The following MRTFB variants were observed in gnomAD, a reference collection of about 807,000 sequenced individuals.
MRTFB encodes the protein myocardin-related transcription factor B.
MRTFB carries 29 observed loss-of-function variants against 104.2 expected under a neutral mutation model. That is an observed-to-expected ratio of 0.28 (90% CI 0.21 to 0.38). The LOEUF (loss-of-function observed/expected upper bound fraction) is 0.38, where lower values mean the gene tolerates loss of function less well. MRTFB is among the 10% of genes least tolerant of loss of function. The probability of loss-of-function intolerance (pLI) is 1.00; values close to 1 mark genes in which losing one functional copy is unlikely to be tolerated. For missense variants in MRTFB, 1,270 were observed against 1,341.6 expected (o/e 0.95, Z 0.83); for synonymous variants, 535 against 519.5 (o/e 1.03, Z -0.41).
chr16:14,127,676 C>T (rs8056520), intron 2 of MRTFB, among the ~76,000 whole-genome samples: 1 of 149,846 alleles, frequency 6.7e-6, no homozygotes, highest in Non-Finnish European at 1.5e-5. Flanking sequence ...ACGAAAATCC[C>T]CTCTAGCCTT....
At chr16:14,056,695 T>C in the MRTFB span, among the ~76,000 whole-genome samples, 1 of 152,224 alleles carries the variant, frequency 6.6e-6, no homozygotes. Flanking sequence ...TGCTGGAGTC[T>C]CTCAGTGTTC....
chr16:13,997,382 T>A, the MRTFB span, among the ~76,000 whole-genome samples: 1 of 152,336 alleles, frequency 6.6e-6, no homozygotes, highest in East Asian at 1.9e-4. Flanking sequence ...TTTAGTTTAT[T>A]TGAAAAAATA....
At chr16:14,180,647 T>C (rs1202391764) in intron 3 of MRTFB, among the ~76,000 whole-genome samples, 1 of 152,238 alleles carries the variant, frequency 6.6e-6, no homozygotes, top group Non-Finnish European at 1.5e-5. Flanking sequence ...CCACGCAAGC[T>C]GTCCTCTGCC....
intron 2 of MRTFB, among the ~76,000 whole-genome samples, chr16:14,096,196 T>C (rs1003325692): frequency 6.6e-6 from 1 of 151,864 alleles, no homozygotes; most frequent in African/African-American, 2.4e-5. Flanking sequence ...GCCTCAGCCT[T>C]CCGGGTAGCT....
At chr16:14,183,548 A>G (rs1377411841) in intron 3 of MRTFB, among the ~76,000 whole-genome samples, 1 of 152,080 alleles carries the variant, frequency 6.6e-6, no homozygotes, top group African/African-American at 2.4e-5. Context: ...TGATATATCT[A>G]TACCGACTAA....
the MRTFB span, among the ~76,000 whole-genome samples, chr16:14,008,989 C>A: frequency 1.2e-5 from 1 of 85,760 alleles, no homozygotes; most frequent in South Asian, 3.6e-4. Context: ...CTCTCTGACA[C>A]CCAGGCTGGA....
intron 3 of MRTFB, among the ~76,000 whole-genome samples, chr16:14,198,131 A>T (rs1007567251): frequency 1.1e-4 from 17 of 152,278 alleles, no homozygotes; most frequent in Admixed American, 1.1e-3. Context: ...AATGTTTTTC[A>T]GTTTCATCCA....
intron 2 of MRTFB, among the ~76,000 whole-genome samples, chr16:14,106,644 G>A (rs1386924541): frequency 6.6e-6 from 1 of 152,168 alleles, no homozygotes; most frequent in African/African-American, 2.4e-5. Context: ...AACATGAATT[G>A]CTTTTTGGCA....
intron 2 of MRTFB, among the ~76,000 whole-genome samples, chr16:14,116,606 A>C (rs1405273495): frequency 6.6e-6 from 1 of 151,002 alleles, no homozygotes; most frequent in Non-Finnish European, 1.5e-5. Context: ...AATAATGCCT[A>C]CCAGATTTCT....
At chr16:13,996,860 A>G in the MRTFB span, among the ~76,000 whole-genome samples, 1 of 152,144 alleles carries the variant, frequency 6.6e-6, no homozygotes, top group African/African-American at 2.4e-5. Flanking sequence ...TTGAGTTTCT[A>G]TTAGCCGCGT....
At chr16:14,090,165 A>G (rs2034966667) in intron 2 of MRTFB, among the ~76,000 whole-genome samples, 1 of 152,016 alleles carries the variant, frequency 6.6e-6, no homozygotes, top group African/African-American at 2.4e-5. Flanking sequence ...CAGTTTTCCA[A>G]TTTGTTTTGG....
chr16:14,188,383 T>C (rs2040035692), intron 3 of MRTFB, among the ~76,000 whole-genome samples: 1 of 152,164 alleles, frequency 6.6e-6, no homozygotes, highest in African/African-American at 2.4e-5. Flanking sequence ...CATTTTTGCG[T>C]ACTTGAGAAA....
At chr16:14,040,150 T>C in the MRTFB span, among the ~76,000 whole-genome samples, 1 of 152,252 alleles carries the variant, frequency 6.6e-6, no homozygotes, top group Admixed American at 6.5e-5. Flanking sequence ...CAAAAGTTAT[T>C]GCAATTTTTA....
At chr16:14,039,423 G>A in the MRTFB span, among the ~76,000 whole-genome samples, 1 of 152,150 alleles carries the variant, frequency 6.6e-6, no homozygotes, top group East Asian at 1.9e-4. Context: ...GCACAGGTCA[G>A]CCCTATTCAT....
At chr16:14,036,744 G>T in the MRTFB span, among the ~76,000 whole-genome samples, 1 of 151,868 alleles carries the variant, frequency 6.6e-6, no homozygotes, top group East Asian at 1.9e-4. Flanking sequence ...TTTGGAATCT[G>T]GCCTGGGGTA....
Position 14,261,682 on chromosome 16 carries a change from A to G in MRTFB, c.*238A>G. Reference sequence around the variant, plus strand: ...CTTCTGAAAATCGCACTTGTCAAAGACGACTCATCTATTTCTCCAGACTTC... The same window carrying G: ...CTTCTGAAAATCGCACTTGTCAAAGGCGACTCATCTATTTCTCCAGACTTC... On this transcript the variant is annotated 3_prime_UTR_variant, in exon 17 of 17. Transcript: ENST00000571589. The G allele has an allele frequency of 2.2e-6, 1 of 453,366 alleles. No individual in the cohort carries two copies. The highest frequency in any genetic ancestry group is 3.9e-6 in the Non-Finnish European group (1 of 258,830). 28.1% of individuals were successfully genotyped at this position (453,366 alleles called of 1,614,324 possible).
the MRTFB span, among the ~76,000 whole-genome samples, chr16:14,022,746 C>CTTTTTTTTT: frequency 2.3e-5 from 2 of 88,670 alleles, no homozygotes; most frequent in African/African-American, 8.6e-5. Context: ...TAATACTGTT[C>CTTTTTTTTT]TTTTTTTTTT....
chr16:13,997,902 T>C, the MRTFB span, among the ~76,000 whole-genome samples: 1 of 151,978 alleles, frequency 6.6e-6, no homozygotes, highest in Non-Finnish European at 1.5e-5. Flanking sequence ...ACAAGCATGA[T>C]GCTTGCCTCA....
At chr16:14,113,911 A>AT (rs1394449432) in intron 2 of MRTFB, among the ~76,000 whole-genome samples, 3 of 152,010 alleles carry the variant, frequency 2.0e-5, no homozygotes, top group African/African-American at 7.2e-5. Context: ...GGTCTCTTGA[A>AT]TTTTTTTTAG....
Sources: gnomAD v4.1 joint callset for allele counts (sites outside exome capture counted in the v4.1 genomes callset) on GRCh38, gnomAD v4.1.1 for gene constraint, MANE v1.5 for transcripts, NCBI Gene and HGNC (gene_info 2026-07-23, HGNC 2026-07-21) for gene names.